SUGCT: variants seen among roughly 807,000 people sequenced by gnomAD.
SUGCT encodes the protein succinyl-CoA:glutarate-CoA transferase.
A neutral mutation model predicts 55.0 loss-of-function variants in SUGCT; 41 were observed. The ratio of observed to expected loss-of-function variants is 0.74; its 90% confidence interval spans 0.58 to 0.97. The LOEUF is 0.97. Ranked by LOEUF, SUGCT falls within the 50% of genes least tolerant of loss-of-function variation. SUGCT has a pLI of 0.00. For missense variants in SUGCT, 568 were observed against 547.8 expected, an observed-to-expected ratio of 1.04 and a Z score of -0.37; for synonymous variants, 187 against 200.4, an observed-to-expected ratio of 0.93 and a Z score of 0.56.
intron 7 of SUGCT, among the ~76,000 whole-genome samples, chr7:40,272,314 C>G (rs940642772): frequency 6.7e-6 from 1 of 149,528 alleles, no homozygotes; most frequent in African/African-American, 2.5e-5. Context: ...GTAGCTGGTA[C>G]TAGGGGTGTG....
At chr7:40,149,750 T>A (rs529907033) in intron 1 of SUGCT, among the ~76,000 whole-genome samples, 1 of 152,232 alleles carries the variant, frequency 6.6e-6, no homozygotes, top group African/African-American at 2.4e-5. Context: ...AAACCCCATC[T>A]CTACTAAAAA....
chr7:40,365,787 T>A (rs1783919038), intron 9 of SUGCT, among the ~76,000 whole-genome samples: 2 of 152,148 alleles, frequency 1.3e-5, no homozygotes, highest in Admixed American at 1.3e-4. Context: ...TGGAAGAACA[T>A]TCCATGCTCA....
At chr7:40,332,082 G>A (rs10234684) in intron 9 of SUGCT, among the ~76,000 whole-genome samples, 1 of 152,172 alleles carries the variant, frequency 6.6e-6, no homozygotes, top group Non-Finnish European at 1.5e-5. Flanking sequence ...GGTTTGGAAT[G>A]ACCATTTTTG....
chr7:40,794,813 T>G (rs1790473592), intron 13 of SUGCT, among the ~76,000 whole-genome samples: 2 of 152,154 alleles, frequency 1.3e-5, no homozygotes. Flanking sequence ...ATTTTCAGGA[T>G]AGTTAGTCCA....
intron 1 of SUGCT, among the ~76,000 whole-genome samples, chr7:40,151,891 G>A (rs1389544200): frequency 6.6e-6 from 1 of 152,198 alleles, no homozygotes; most frequent in Non-Finnish European, 1.5e-5. Flanking sequence ...CAGGTTGGGA[G>A]CCAGAGGGTA....
At position 40,853,188 on chromosome 7, in the gene SUGCT, A is replaced by T. The variant is rs548568584; in HGVS notation, c.1154-7128A>T. Among the ~76,000 whole-genome samples the T allele has an allele frequency of 3.8e-4, 58 of 152,272 alleles. No individual in the cohort carries two copies. The South Asian group carries it at 7.3e-3, about 19-fold the overall frequency. On this transcript the variant is annotated intron_variant, in intron 13 of 13. Transcript: ENST00000335693. ...AGCCCAGATCTTGGCACCGGGATAGATACTCCAAAATTATATGTAGAATAA... is the reference window on the plus strand; with the variant it reads ...AGCCCAGATCTTGGCACCGGGATAGTTACTCCAAAATTATATGTAGAATAA...
At chr7:40,374,187 T>C (rs902296127) in intron 9 of SUGCT, among the ~76,000 whole-genome samples, 1 of 152,166 alleles carries the variant, frequency 6.6e-6, no homozygotes, top group South Asian at 2.1e-4. Flanking sequence ...GGAATATTAA[T>C]GTAGCCTTGA....
chr7:40,725,612 T>C lies in SUGCT; in HGVS notation c.1090-23822T>C, dbSNP rs142322545. On this transcript the variant is annotated intron_variant, in intron 12 of 13. Transcript: ENST00000335693. ...TTTCTTTTCACTCTCTTTTAACTAT[T>C]CAAATTCACTAGTACATTTGTCCCC... is the stretch of plus-strand genomic sequence containing the variant. Among the ~76,000 whole-genome samples the C allele has an allele frequency of 9.1e-3, 1,379 of 152,006 alleles. 12 individuals are homozygous for C. The highest frequency in any genetic ancestry group is 0.032 in the African/African-American group (1,331 of 41,492).
chr7:40,141,793 TG>T, intron 1 of SUGCT: 1 of 387,838 alleles, frequency 2.6e-6, no homozygotes, highest in Non-Finnish European at 5.2e-6. Context: ...GAAATAGCAC[TG>T]GAATATAAAA....
chr7:41,024,744 GGAGTGTAAATGGGTACAGCCCCCT>G, the SUGCT span, among the ~76,000 whole-genome samples: 1 of 138,886 alleles, frequency 7.2e-6, no homozygotes, highest in Non-Finnish European at 1.6e-5. Flanking sequence ...ATTGATTGTG[GGAGTGTAAATGGGTACAGCCCCCT>G]GAGTGGATAT....
In SUGCT at chr7:40,670,333, G is replaced by A. The variant is rs953157734; in HGVS notation, c.1090-79101G>A. Reference sequence around the variant, plus strand: ...AAAGCAGAAATCAGTGAAATTCAAAGCAGAAAGCCAAGAAAGAAAATCAAT... The same window carrying A: ...AAAGCAGAAATCAGTGAAATTCAAAACAGAAAGCCAAGAAAGAAAATCAAT... On this transcript the variant is annotated intron_variant, in intron 12 of 13. Transcript: ENST00000335693. Among the ~76,000 whole-genome samples the A allele has an allele frequency of 2.0e-5, 3 of 152,080 alleles. No individual in the cohort carries two copies. In the South Asian group the frequency reaches 6.2e-4, roughly 32 times the overall value.
intron 6 of SUGCT, among the ~76,000 whole-genome samples, chr7:40,210,132 C>T (rs1008287939): frequency 1.3e-5 from 2 of 152,074 alleles, no homozygotes; most frequent in African/African-American, 4.8e-5. Context: ...GGCTGGAGTG[C>T]AGTGGCATGC....
At chr7:40,835,916 A>G (rs1035045616) in intron 13 of SUGCT, among the ~76,000 whole-genome samples, 10 of 141,784 alleles carry the variant, frequency 7.1e-5, no homozygotes, top group Non-Finnish European at 1.4e-4. Context: ...TTGGTGAGAC[A>G]GGGTCTCACT....
chr7:40,356,879 A>C (rs1797908776), intron 9 of SUGCT, among the ~76,000 whole-genome samples: 1 of 152,238 alleles, frequency 6.6e-6, no homozygotes. Context: ...TCAAAAGCTG[A>C]GGAAAACCAC....
intron 12 of SUGCT, among the ~76,000 whole-genome samples, chr7:40,552,450 C>T (rs2151642644): frequency 6.6e-6 from 1 of 152,204 alleles, no homozygotes; most frequent in Non-Finnish European, 1.5e-5. Context: ...CCTGGGCTCA[C>T]CCTACTAATA....
intron 9 of SUGCT, among the ~76,000 whole-genome samples, chr7:40,356,680 A>T (rs1235844885): frequency 6.6e-6 from 1 of 152,194 alleles, no homozygotes; most frequent in Non-Finnish European, 1.5e-5. Context: ...GCCACTCTAA[A>T]TTGTAACACA....
At chr7:41,015,166 G>A in the SUGCT span, among the ~76,000 whole-genome samples, 1 of 152,198 alleles carries the variant, frequency 6.6e-6, no homozygotes, top group Admixed American at 6.5e-5. Context: ...AGGAATGGTG[G>A]AGCAGAAGCA....
At chr7:40,900,674 C>T in the SUGCT span, among the ~76,000 whole-genome samples, 3 of 152,204 alleles carry the variant, frequency 2.0e-5, no homozygotes, top group African/African-American at 7.2e-5. Context: ...AAGAGCACGT[C>T]ATACTTCCAG....
At chr7:40,858,262 G>T (rs573209461) in intron 13 of SUGCT, among the ~76,000 whole-genome samples, 5 of 152,064 alleles carry the variant, frequency 3.3e-5, no homozygotes, top group Admixed American at 3.3e-4. Flanking sequence ...AATTAGCCGG[G>T]CATGGTGGTG....
Sources: allele counts gnomAD v4.1 joint callset (sites outside exome capture counted in the v4.1 genomes callset), GRCh38; gene constraint gnomAD v4.1.1; transcripts MANE v1.5; gene names NCBI Gene and HGNC (gene_info 2026-07-23, HGNC 2026-07-21).